NDUFS4: variants seen among roughly 807,000 people sequenced by gnomAD.
NDUFS4 encodes NADH dehydrogenase [ubiquinone] iron-sulfur protein 4, mitochondrial.
In NDUFS4, 28 loss-of-function variants were observed where a neutral mutation model predicts 24.3. The ratio of observed to expected loss-of-function variants is 1.15; its 90% confidence interval spans 0.85 to 1.58. The LOEUF is 1.58. Ranked by LOEUF, NDUFS4 falls within the 40% of genes most tolerant of loss-of-function variation. NDUFS4 has a pLI of 0.00. For missense variants in NDUFS4, 223 were observed against 207.9 expected (o/e 1.07, Z -0.45); for synonymous variants, 93 against 69.7 (o/e 1.34, Z -1.67).
At position 53,573,500 on chromosome 5, in the gene NDUFS4, A is replaced by G. The variant is rs190293012; in HGVS notation, c.98+12740A>G. On this transcript the variant is annotated intron_variant, in intron 1 of 4. Transcript: ENST00000296684. ...CAGTGTTGTAGTTTTGAGCGTGCAG[A>G]TCCTGTATATGTTTCGTTAGATTTA... The G allele has an allele frequency of 7.2e-6, 3 of 419,316 alleles. No homozygotes were observed. In the Admixed American group the frequency reaches 8.2e-5, roughly 11 times the overall value. 26.0% of individuals were successfully genotyped at this position (419,316 alleles called of 1,614,324 possible).
chr5:53,641,264 G>C (rs1751699542), intron 2 of NDUFS4, among the ~76,000 whole-genome samples: 1 of 152,084 alleles, frequency 6.6e-6, no homozygotes, highest in East Asian at 1.9e-4. Flanking sequence ...TTTTGACTCA[G>C]CCCTTTGCTT....
chr5:53,603,557 A>G, intron 2 of NDUFS4, 27 bp downstream of exon 2: 1 of 1,560,170 alleles, frequency 6.4e-7, no homozygotes, highest in African/African-American at 1.4e-5. Flanking sequence ...ACACACTGCT[A>G]TGGTTCTGCC....
chr5:53,606,700 T>C (rs1413931460), intron 2 of NDUFS4, among the ~76,000 whole-genome samples: 1 of 152,148 alleles, frequency 6.6e-6, no homozygotes, highest in South Asian at 2.1e-4. Context: ...CCATAAGAAC[T>C]GACTATCACT....
chr5:53,678,567 T>C lies in NDUFS4; in HGVS notation c.425-4551T>C, dbSNP rs184819959. ...ACAACATATGGGACCATTATGATTG[T>C]AGACTATACCTTCATTTTATATAAG... On this transcript the variant is annotated intron_variant, in intron 4 of 4. Transcript: ENST00000296684. 4.3e-3 allele frequency among the ~76,000 whole-genome samples: 653 copies of C among 152,296 alleles called. 2 individuals are homozygous for C. The highest frequency in any genetic ancestry group is 5.7e-3 in the Non-Finnish European group (391 of 68,030).
chr5:53,604,925 A>G (rs2112458930), intron 2 of NDUFS4: 1 of 455,236 alleles, frequency 2.2e-6, no homozygotes, highest in Non-Finnish European at 4.4e-6. Context: ...TTAGTCAAGT[A>G]TAAAAGAAAT....
chr5:53,625,741 A>C (rs786335), intron 2 of NDUFS4, among the ~76,000 whole-genome samples: 121,519 of 152,028 alleles, frequency 0.8, 48,872 homozygotes, highest in African/African-American at 0.89. Flanking sequence ...AATTTTTGAA[A>C]TGTTCACTCA....
At position 53,650,062 on chromosome 5, in the gene NDUFS4, A is replaced by G. The variant is rs150328562; in HGVS notation, c.350+3657A>G. Among the ~76,000 whole-genome samples the G allele has an allele frequency of 3.3e-3, 509 of 152,232 alleles. 7 individuals carry two copies. In the East Asian group the frequency reaches 0.067, roughly 20 times the overall value. On this transcript the variant is annotated intron_variant, in intron 3 of 4. Coordinates refer to ENST00000296684, the MANE Select transcript of NDUFS4 (RefSeq NM_002495.4). The stretch of plus-strand genomic sequence containing the variant: ...AGCTGAAGGAATTTATAAGGAAAAA[A>G]TTTGTCCCGATCCAGTGATTGAAAT...
chr5:53,665,215 G>A (rs927024010), intron 4 of NDUFS4, among the ~76,000 whole-genome samples: 4 of 152,182 alleles, frequency 2.6e-5, no homozygotes, highest in African/African-American at 7.2e-5. Flanking sequence ...GTACCTGGCC[G>A]TGTGAGGTGT....
chr5:53,574,412 C>G (rs1749319547), intron 1 of NDUFS4, among the ~76,000 whole-genome samples: 1 of 152,158 alleles, frequency 6.6e-6, no homozygotes, highest in African/African-American at 2.4e-5. Context: ...TCAATAAACC[C>G]CACTTAGTTG....
intron 4 of NDUFS4, among the ~76,000 whole-genome samples, chr5:53,663,485 C>G (rs1386735673): frequency 6.6e-6 from 1 of 152,134 alleles, no homozygotes; most frequent in African/African-American, 2.4e-5. Context: ...TTGTAGGTCA[C>G]TCAGGACTTG....
At position 53,683,151 on chromosome 5, in the gene NDUFS4, CA is replaced by C. The variant is rs587776949; in HGVS notation, c.462del (p.Lys154AsnfsTer35). ...WSYDIEERKV[P>X]KPKSKSYGAN... ...TATGACATTGAAGAGAGGAAGGTTC[CA>C]AAACCCAAGTCCAAGTCTTATGGTG... On this transcript the variant is annotated frameshift_variant, in exon 5 of 5. Coordinates refer to ENST00000296684, the MANE Select transcript of NDUFS4 (RefSeq NM_002495.4). LOFTEE classifies it high-confidence loss of function. 82 of 1,611,794 alleles carry C rather than the reference CA, an allele frequency of 5.1e-5. No individual in the cohort carries two copies. The highest frequency in any genetic ancestry group is 6.7e-5 in the Admixed American group (4 of 59,860).
intron 4 of NDUFS4, among the ~76,000 whole-genome samples, chr5:53,668,681 G>T (rs1579939026): frequency 6.8e-6 from 1 of 147,914 alleles, no homozygotes; most frequent in East Asian, 2.0e-4. Context: ...GGCTGGCCTC[G>T]AACTCCTGAC....
chr5:53,630,226 G>GT (rs1337033350), intron 2 of NDUFS4, among the ~76,000 whole-genome samples: 1 of 152,200 alleles, frequency 6.6e-6, no homozygotes, highest in Non-Finnish European at 1.5e-5. Flanking sequence ...CTTCTGGCTT[G>GT]TAGGGTTTCT....
intron 2 of NDUFS4, among the ~76,000 whole-genome samples, chr5:53,637,073 A>G (rs1751578392): frequency 6.6e-6 from 1 of 152,174 alleles, no homozygotes; most frequent in African/African-American, 2.4e-5. Flanking sequence ...GCTCTTTTTA[A>G]GTCTGCTTTG....
chr5:53,658,766 C>T, intron 4 of NDUFS4, 142 bp downstream of exon 4: 1 of 250,384 alleles, frequency 4.0e-6, no homozygotes, highest in Non-Finnish European at 7.4e-6. Flanking sequence ...ACTTTAACTA[C>T]ATCAGAACAC....
chr5:53,640,198 T>C (rs566532286), intron 2 of NDUFS4, among the ~76,000 whole-genome samples: 1 of 152,052 alleles, frequency 6.6e-6, no homozygotes, highest in Admixed American at 6.6e-5. Context: ...AAGTGAAGGA[T>C]TCTGGCAGGG....
At chr5:53,581,688 C>G (rs1049468128) in intron 1 of NDUFS4, among the ~76,000 whole-genome samples, 2 of 152,100 alleles carry the variant, frequency 1.3e-5, no homozygotes, top group East Asian at 3.9e-4. Flanking sequence ...CCATCATTTT[C>G]TTTGAGGAGC....
At chr5:53,644,586 C>A (rs1751802990) in intron 2 of NDUFS4, among the ~76,000 whole-genome samples, 2 of 152,140 alleles carry the variant, frequency 1.3e-5, no homozygotes, top group East Asian at 3.9e-4. Context: ...TATAATAATA[C>A]TTAAACTTTT....
intron 2 of NDUFS4, chr5:53,604,998 G>A: frequency 7.5e-6 from 3 of 400,830 alleles, no homozygotes; most frequent in South Asian, 3.7e-5. Context: ...GAGGCGGGTG[G>A]ATCACGAGGT....
Sources: gnomAD v4.1 joint callset for allele counts (sites outside exome capture counted in the v4.1 genomes callset) on GRCh38, gnomAD v4.1.1 for gene constraint, MANE v1.5 for transcripts, NCBI Gene and HGNC (gene_info 2026-07-23, HGNC 2026-07-21) for gene names.